The following CHL1 variants were observed in gnomAD, a reference collection of about 807,000 sequenced individuals.
The protein encoded by CHL1 is neural cell adhesion molecule L1-like protein.
In CHL1, 96 loss-of-function variants were observed where a neutral mutation model predicts 141.9. The ratio of observed to expected loss-of-function variants is 0.68; its 90% CI spans 0.57 to 0.80. The LOEUF is 0.80. Among genes scored for constraint, CHL1 ranks in the 30% least tolerant of loss-of-function variants. The pLI is 0.00. For synonymous variants in CHL1, 613 were observed against 502.2 expected (o/e 1.22, Z -2.95); for missense variants, 1,820 against 1,457.2 (o/e 1.25, Z -4.05).
At chr3:207,865 A>G (rs1699574329) in intron 1 of CHL1, among the ~76,000 whole-genome samples, 1 of 152,148 alleles carries the variant, frequency 6.6e-6, no homozygotes, top group Non-Finnish European at 1.5e-5. Flanking sequence ...TAGATTTTGA[A>G]CACAATTGAT....
chr3:234,933 C>T (rs1305808353), intron 1 of CHL1, among the ~76,000 whole-genome samples: 1 of 152,068 alleles, frequency 6.6e-6, no homozygotes, highest in Non-Finnish European at 1.5e-5. Context: ...TAAAAGACTT[C>T]CAGGCAGTTT....
chr3:218,068 A>G (rs770397958), intron 1 of CHL1, among the ~76,000 whole-genome samples: 2 of 152,208 alleles, frequency 1.3e-5, no homozygotes, highest in African/African-American at 2.4e-5. Context: ...GCCCCTGCAC[A>G]GGAAACCTCC....
chr3:288,636 C>CCA lies in CHL1; in HGVS notation c.-94-31046_-94-31045dup, dbSNP rs774551496. On this transcript the variant is annotated intron_variant, in intron 2 of 27. Transcript: ENST00000256509. ...GAAGGAGGATGTGATTGCTCCCCTG[C>CCA]CAACCCCCTACCTCTACTGGTCAAG... is the stretch of plus-strand genomic sequence containing the variant. Among the ~76,000 whole-genome samples, 10 of 152,214 alleles carry CCA rather than the reference C, an allele frequency of 6.6e-5. No homozygotes were observed. In the East Asian group the frequency reaches 1.9e-3, roughly 29 times the overall value.
chr3:365,992 C>G lies in CHL1; in HGVS notation c.1628C>G (p.Pro543Arg), dbSNP rs766822212. 3.1e-6 allele frequency: 5 copies of G among 1,613,486 alleles called. No homozygotes were observed. The South Asian group carries it at 4.4e-5, about 14-fold the overall frequency. The change falls in exon 15 of 28, where the codon CCC (proline) becomes CGC (arginine). Residue 543 changes from proline (P) to arginine (R), a missense_variant. Physicochemically the swap from Pro to Arg is moderately radical, Grantham distance 103 (BLOSUM62 -2). Transcript: ENST00000256509. ...LRVSPKNPRI[P>R]KLHMLELHCE... Reference sequence around the variant, plus strand: ...GTTTCTCCTAAGAATCCTCGTATCCCCAAATTGCATATGCTTGAATTACAT... The same window carrying G: ...GTTTCTCCTAAGAATCCTCGTATCCGCAAATTGCATATGCTTGAATTACAT...
chr3:223,319 G>A (rs1701026567), intron 1 of CHL1, among the ~76,000 whole-genome samples: 1 of 152,116 alleles, frequency 6.6e-6, no homozygotes, highest in Admixed American at 6.6e-5. Flanking sequence ...GCACTATGAA[G>A]TTAATATTAG....
At chr3:326,452 G>C (rs1326846492) in intron 4 of CHL1, among the ~76,000 whole-genome samples, 1 of 151,674 alleles carries the variant, frequency 6.6e-6, no homozygotes, top group Non-Finnish European at 1.5e-5. Flanking sequence ...ATTTATAATT[G>C]TGCGTCTTTA....
chr3:264,396 A>G (rs2125212808), intron 2 of CHL1, among the ~76,000 whole-genome samples: 1 of 152,316 alleles, frequency 6.6e-6, no homozygotes, highest in African/African-American at 2.4e-5. Context: ...TTTAATAAAC[A>G]TATAACAGAA....
chr3:206,560 CA>C (rs1341479622), intron 1 of CHL1, among the ~76,000 whole-genome samples: 2 of 151,892 alleles, frequency 1.3e-5, no homozygotes, highest in Admixed American at 1.3e-4. Flanking sequence ...TCCATGTCTA[CA>C]AAAAATATAT....
intron 2 of CHL1, among the ~76,000 whole-genome samples, chr3:297,429 T>C (rs959955274): frequency 1.5e-4 from 23 of 152,220 alleles, no homozygotes; most frequent in African/African-American, 4.3e-4. Context: ...TTTGGCATTA[T>C]TGGCAGGTTT....
intron 9 of CHL1, among the ~76,000 whole-genome samples, 182 bp downstream of exon 9, chr3:344,891 A>C (rs1036615009): frequency 6.6e-6 from 1 of 152,190 alleles, no homozygotes; most frequent in African/African-American, 2.4e-5. Flanking sequence ...TAAGAGGCTG[A>C]AGCAGGAAGA....
chr3:255,513 G>A (rs1694074605), intron 2 of CHL1, among the ~76,000 whole-genome samples: 1 of 149,048 alleles, frequency 6.7e-6, no homozygotes, highest in Non-Finnish European at 1.5e-5. Context: ...GTGTGTGTGT[G>A]TATACATACA....
At chr3:332,093 C>T (rs1225986206) in intron 5 of CHL1, among the ~76,000 whole-genome samples, 1 of 152,168 alleles carries the variant, frequency 6.6e-6, no homozygotes, top group African/African-American at 2.4e-5. Context: ...GCATGTGCCT[C>T]TTGTCCATAC....
intron 3 of CHL1, among the ~76,000 whole-genome samples, chr3:325,630 G>A (rs1409627451): frequency 1.3e-5 from 2 of 151,980 alleles, no homozygotes; most frequent in Non-Finnish European, 2.9e-5. Flanking sequence ...GCATATGCAT[G>A]CTAACATAGA....
intron 1 of CHL1, chr3:198,198 AGG>A: frequency 5.7e-6 from 1 of 174,972 alleles, no homozygotes; most frequent in Non-Finnish European, 1.2e-5. Context: ...GGCGGAGGGC[AGG>A]TGTGCGTCGG....
intron 11 of CHL1, among the ~76,000 whole-genome samples, chr3:357,667 A>G (rs969318209): frequency 6.6e-6 from 1 of 152,234 alleles, no homozygotes; most frequent in Admixed American, 6.5e-5. Context: ...GTGTTTTATA[A>G]AGACTTGGCC....
In CHL1 at chr3:224,869, C is replaced by T. The variant is rs564506718; in HGVS notation, c.-174-19744C>T. ...AACAACTCAGAGCCGGGTGCAGTGG[C>T]TCACGCCTGTAATCCCAGCTACTCA... On this transcript the variant is annotated intron_variant, in intron 1 of 27. Coordinates refer to ENST00000256509, the MANE Select transcript of CHL1 (RefSeq NM_006614.4). Among the ~76,000 whole-genome samples the T allele has an allele frequency of 1.2e-4, 18 of 152,320 alleles. No homozygotes were observed. The East Asian group carries it at 3.5e-3, about 29-fold the overall frequency.
At chr3:353,105 G>C (rs1263714219) in intron 10 of CHL1, among the ~76,000 whole-genome samples, 1 of 152,052 alleles carries the variant, frequency 6.6e-6, no homozygotes, top group African/African-American at 2.4e-5. Flanking sequence ...GTGATAATTT[G>C]GAACCTCTTT....
At chr3:330,698 T>C (rs904391478) in intron 5 of CHL1, among the ~76,000 whole-genome samples, 2 of 152,316 alleles carry the variant, frequency 1.3e-5, no homozygotes, top group Admixed American at 6.5e-5. Context: ...AGTTTAGTTT[T>C]TGTTTCTGTT....
intron 2 of CHL1, among the ~76,000 whole-genome samples, chr3:295,466 CA>C (rs1397583857): frequency 1.3e-5 from 2 of 152,038 alleles, no homozygotes; most frequent in African/African-American, 4.8e-5. Flanking sequence ...AGAGCAACAA[CA>C]AACAAAGGCA....
Sources: allele counts gnomAD v4.1 joint callset (sites outside exome capture counted in the v4.1 genomes callset), GRCh38; gene constraint gnomAD v4.1.1; transcripts MANE v1.5; gene names NCBI Gene and HGNC (gene_info 2026-07-23, HGNC 2026-07-21).